The following EIF2B3 variants were observed in gnomAD, a reference collection of about 807,000 sequenced individuals.
EIF2B3 encodes translation initiation factor eIF2B subunit gamma.
In EIF2B3, 20 loss-of-function variants were observed where a neutral mutation model predicts 54.1. The observed-to-expected ratio is 0.37, with a 90% CI of 0.26 to 0.54. The LOEUF is 0.54. Among genes scored for constraint, EIF2B3 ranks in the 20% least tolerant of loss-of-function variants. The pLI, the probability that EIF2B3 is intolerant of heterozygous loss-of-function variation, is 0.86. For synonymous variants in EIF2B3, 153 were observed against 188.1 expected, an observed-to-expected ratio of 0.81 and a Z score of 1.52; for missense variants, 448 against 547.8, an observed-to-expected ratio of 0.82 and a Z score of 1.82.
At chr1:44,951,955 T>A (rs1168369565) in intron 3 of EIF2B3, among the ~76,000 whole-genome samples, 3 of 38,966 alleles carry the variant, frequency 7.7e-5, no homozygotes, top group South Asian at 9.3e-4. Flanking sequence ...GCCTGGCTAA[T>A]TTTTTTTTTT....
intron 1 of EIF2B3, among the ~76,000 whole-genome samples, chr1:44,983,533 C>G (rs1243189144): frequency 6.6e-6 from 1 of 152,098 alleles, no homozygotes; most frequent in Admixed American, 6.5e-5. Context: ...TATATAACAT[C>G]CACCACATCA....
At chr1:44,942,873 TG>T (rs1192588392) in intron 3 of EIF2B3, among the ~76,000 whole-genome samples, 5 of 152,124 alleles carry the variant, frequency 3.3e-5, no homozygotes, top group African/African-American at 1.2e-4. Flanking sequence ...ATTTATTTTT[TG>T]AGACAGAGTC....
chr1:44,881,747 GAA>G lies in EIF2B3; in HGVS notation c.657-10_657-9del. 1 of 1,613,890 alleles carries G rather than the reference GAA, an allele frequency of 6.2e-7. No individual in the cohort carries two copies. The highest frequency in any genetic ancestry group is 1.1e-5 in the South Asian group (1 of 91,070). Reference sequence around the variant, plus strand: ...CGGATAGAAGTTATTGACCTAGAAAGAAAGAATGGCCAAATATGAGAAACCTG... The same window carrying G: ...CGGATAGAAGTTATTGACCTAGAAAGAGAATGGCCAAATATGAGAAACCTG... On this transcript the variant is annotated splice_polypyrimidine_tract_variant and intron_variant, in intron 6 of 11. Transcript: ENST00000360403. The surrounding 1 kb of genome is among the most constrained non-coding windows in gnomAD (Gnocchi z 4.0).
At chr1:44,917,520 C>A (rs1253686047) in intron 5 of EIF2B3, among the ~76,000 whole-genome samples, 6 of 150,470 alleles carry the variant, frequency 4.0e-5, no homozygotes, top group African/African-American at 1.2e-4. Flanking sequence ...AAAAAAAAAT[C>A]TTCAGATTTT....
intron 3 of EIF2B3, among the ~76,000 whole-genome samples, chr1:44,962,467 C>G (rs55851444): frequency 0.14 from 21,169 of 152,090 alleles, 1,640 homozygotes; most frequent in Non-Finnish European, 0.17. Flanking sequence ...GGTTGGGGAG[C>G]AGTGGCGCGA....
intron 3 of EIF2B3, among the ~76,000 whole-genome samples, chr1:44,967,739 CAAAAAA>C (rs35067923): frequency 2.0e-5 from 1 of 49,546 alleles, no homozygotes; most frequent in Non-Finnish European, 4.2e-5. Context: ...ATGCTGTCTT[CAAAAAA>C]AAAAAAAAAA....
At chr1:44,940,541 G>A (rs1403847325) in intron 4 of EIF2B3, 1 of 152,182 alleles carries the variant, frequency 6.6e-6, no homozygotes, top group African/African-American at 2.4e-5. Context: ...ACAGAGGCAG[G>A]TGGATCACGG....
At chr1:44,980,800 T>C (rs550340516) in intron 2 of EIF2B3, among the ~76,000 whole-genome samples, 2 of 152,244 alleles carry the variant, frequency 1.3e-5, no homozygotes, top group East Asian at 3.9e-4. Flanking sequence ...ACAGAGTTCG[T>C]CTTGGATCAT....
chr1:44,975,893 T>C (rs1403228548), intron 3 of EIF2B3, among the ~76,000 whole-genome samples: 1 of 151,966 alleles, frequency 6.6e-6, no homozygotes, highest in East Asian at 1.9e-4. Context: ...CAGTTGAACC[T>C]GAGAGGTGGA....
chr1:44,883,335 A>G (rs1655474355), intron 6 of EIF2B3, among the ~76,000 whole-genome samples: 1 of 152,134 alleles, frequency 6.6e-6, no homozygotes, highest in South Asian at 2.1e-4. Context: ...TTAGGATTAC[A>G]AGAGGGGCCT....
At chr1:44,879,741 C>G in intron 8 of EIF2B3, 77 bp downstream of exon 8, 3 of 1,496,818 alleles carry the variant, frequency 2.0e-6, no homozygotes, top group Non-Finnish European at 2.8e-6. Context: ...TTACTATGTA[C>G]CTAATGAAGA....
At chr1:44,913,109 TA>T (rs552977811) in intron 5 of EIF2B3, among the ~76,000 whole-genome samples, 20,238 of 103,234 alleles carry the variant, frequency 0.2, 1,185 homozygotes, top group East Asian at 0.41. Context: ...CGGTTTTTGT[TA>T]AAAAAAAAAA....
At chr1:44,889,910 T>C (rs1258547046) in intron 6 of EIF2B3, among the ~76,000 whole-genome samples, 3 of 152,238 alleles carry the variant, frequency 2.0e-5, no homozygotes, top group Non-Finnish European at 4.4e-5. Flanking sequence ...TCACAGACCC[T>C]GTTCTGGGAA....
chr1:44,941,175 G>A (rs1027125276), intron 4 of EIF2B3, among the ~76,000 whole-genome samples: 1 of 152,146 alleles, frequency 6.6e-6, no homozygotes. Flanking sequence ...GTGAGCCACC[G>A]CACCTGGCCT....
chr1:44,967,718 G>A (rs1317569495), intron 3 of EIF2B3, among the ~76,000 whole-genome samples: 2 of 127,674 alleles, frequency 1.6e-5, no homozygotes, highest in Non-Finnish European at 3.2e-5. Flanking sequence ...CCCGTCTGGC[G>A]ACAGAGTGAG....
chr1:44,876,797 G>C (rs1655175727), intron 8 of EIF2B3, among the ~76,000 whole-genome samples: 1 of 146,130 alleles, frequency 6.8e-6, no homozygotes, highest in South Asian at 2.2e-4. Flanking sequence ...GATGGTTGCT[G>C]TGTCTGTGTA....
At chr1:44,975,986 A>G (rs1644449215) in intron 3 of EIF2B3, among the ~76,000 whole-genome samples, 1 of 152,300 alleles carries the variant, frequency 6.6e-6, no homozygotes, top group South Asian at 2.1e-4. Flanking sequence ...AGAGAGCAAG[A>G]CTCTGTCTCA....
intron 10 of EIF2B3, among the ~76,000 whole-genome samples, chr1:44,860,004 C>T (rs115504650): frequency 0.013 from 1,983 of 151,258 alleles, 44 homozygotes; most frequent in African/African-American, 0.046. Flanking sequence ...GTGATCCAGC[C>T]TTCTTTTTTT....
At chr1:44,941,009 C>A (rs549169471) in intron 4 of EIF2B3, among the ~76,000 whole-genome samples, 61 of 151,660 alleles carry the variant, frequency 4.0e-4, no homozygotes, top group African/African-American at 1.4e-3. Context: ...CCCTCAGCCT[C>A]CTGAGTAGCT....
Sources: gnomAD v4.1 joint callset for allele counts (sites outside exome capture counted in the v4.1 genomes callset) on GRCh38, gnomAD v4.1.1 for gene constraint, Gnocchi (gnomAD v3.1) non-coding constraint, MANE v1.5 for transcripts, NCBI Gene and HGNC (gene_info 2026-07-23, HGNC 2026-07-21) for gene names.